Variants in DENND4B observed in about 807,000 individuals in gnomAD.
DENND4B encodes the protein DENN domain containing 4B, also known as DENN domain-containing protein 4B.
In DENND4B, 67 loss-of-function variants were observed where a neutral mutation model predicts 161.0. That is an observed-to-expected ratio of 0.42 (90% CI 0.34 to 0.51). DENND4B has a LOEUF of 0.51. Ranked by LOEUF, DENND4B falls within the 20% of genes least tolerant of loss-of-function variation. The pLI, the probability that DENND4B is intolerant of heterozygous loss-of-function variation, is 0.08. For missense variants in DENND4B, 1,481 were observed against 1,968.0 expected (o/e 0.75, Z 4.68); for synonymous variants, 753 against 813.8 (o/e 0.93, Z 1.27).
At chr1:153,945,315 A>G (rs1679898600) in intron 1 of DENND4B, 1 of 490,780 alleles carries the variant, frequency 2.0e-6, no homozygotes, top group South Asian at 1.8e-5. Flanking sequence ...TGCAACTCAG[A>G]GGAAGTCAGC....
At position 153,933,367 on chromosome 1, in the gene DENND4B, C is replaced by T. The variant is rs759519601; in HGVS notation, c.3331-48G>A. 9 of 1,612,632 alleles carry T rather than the reference C, an allele frequency of 5.6e-6. No individual in the cohort carries two copies. The Admixed American group carries it at 1.2e-4, about 21-fold the overall frequency. On this transcript the variant is annotated intron_variant, in intron 20 of 27. Transcript: ENST00000361217. The surrounding 1 kb of genome is among the most constrained non-coding windows in gnomAD (Gnocchi z 5.7). ...GGTCAGCCAACCCCATGCTCTTCCACCCAGGATATGTGTTTCAAGCACCCC... is the reference window on the plus strand; with the variant it reads ...GGTCAGCCAACCCCATGCTCTTCCATCCAGGATATGTGTTTCAAGCACCCC...
chr1:153,941,804 C>T, intron 6 of DENND4B, 65 bp downstream of exon 6: 1 of 1,316,300 alleles, frequency 7.6e-7, no homozygotes, highest in Middle Eastern at 2.8e-4. Flanking sequence ...CTGAATCTCT[C>T]CCATCTCTCC....
At chr1:153,941,763 A>T in intron 6 of DENND4B, 106 bp downstream of exon 6, 11 of 1,466,328 alleles carry the variant, frequency 7.5e-6, no homozygotes, top group Non-Finnish European at 1.0e-5. Context: ...CCTGTCCCTT[A>T]CCCTGTGCCC....
chr1:153,944,541 CT>C lies in DENND4B; in HGVS notation c.-23-145del, dbSNP rs1679862886. On this transcript the variant is annotated intron_variant, in intron 1 of 27. Coordinates refer to ENST00000361217, the MANE Select transcript of DENND4B (RefSeq NM_014856.3). The surrounding 1 kb of genome is among the most constrained non-coding windows in gnomAD (Gnocchi z 4.8). ...GTCGGCCAATCCTGAACTCTTCCCC[CT>C]GTGACATCACTGCCCACCACAGCTT... 17 of 791,298 alleles carry C rather than the reference CT, an allele frequency of 2.1e-5. No individual in the cohort carries two copies. Among genetic ancestry groups the C allele is most frequent in the South Asian group, 2.1e-4 (11 of 51,322 alleles). 49.0% of individuals were successfully genotyped at this position (791,298 alleles called of 1,614,324 possible). A position where few individuals can be genotyped will look rare whatever the true frequency, so the allele number is the denominator to read the frequency against.
rs973225495 is a variant in DENND4B, at chr1:153,942,839, C to T, written c.570+39G>A. On this transcript the variant is annotated intron_variant, in intron 3 of 27. Transcript: ENST00000361217. This position sits in a 1 kb window ranked among gnomAD's most constrained non-coding sequence, Gnocchi z 6.9. ...TTCCCAGTGTCCACACCCACTCTTA[C>T]ACCAAGAGGACCAGGTGTCAGCTCT... 7 of 1,565,304 alleles carry T rather than the reference C, an allele frequency of 4.5e-6. No individual in the cohort carries two copies. Among genetic ancestry groups the T allele is most frequent in the African/African-American group, 1.3e-5 (1 of 74,322 alleles).
rs138963182 is a variant in DENND4B, at chr1:153,944,267, C to G, written c.108G>C (p.Gly36=). The part of the protein sequence containing the change: ...PEETWVPEPS[G]PLRPPRPAEP... ...CAGCTGGCCGGGGAGGGCGCAGGGG[C>G]CCACTGGGTTCAGGAACCCACGTTT... Residue 36 remains glycine (G), a synonymous_variant, in exon 2 of 28, where the codon GGG becomes GGC. Transcript: ENST00000361217. This position sits in a 1 kb window ranked among gnomAD's most constrained non-coding sequence, Gnocchi z 4.8. 571 of 1,601,356 alleles carry G rather than the reference C, an allele frequency of 3.6e-4. 2 individuals carry two copies. The African/African-American group carries it at 6.3e-3, about 18-fold the overall frequency.
chr1:153,935,695 C>T (rs768228333), intron 17 of DENND4B: 10 of 236,516 alleles, frequency 4.2e-5, no homozygotes, highest in Non-Finnish European at 5.9e-5. Context: ...GGACCTTGGA[C>T]GAGTTACTAA....
chr1:153,931,496 C>CTTT (rs1157104732), intron 24 of DENND4B, among the ~76,000 whole-genome samples: 4 of 134,092 alleles, frequency 3.0e-5, no homozygotes, highest in South Asian at 2.4e-4. Flanking sequence ...TATGCTCTTT[C>CTTT]TTTTTTTTTT....
rs1367014577 is a variant in DENND4B at position 153,933,382 on chromosome 1, T to C, written c.3331-63A>G. 1.2e-6 allele frequency: 2 copies of C among 1,611,264 alleles called. No individual in the cohort carries two copies. The highest frequency in any genetic ancestry group is 1.3e-5 in the African/African-American group (1 of 74,824). On this transcript the variant is annotated intron_variant, in intron 20 of 27. Transcript: ENST00000361217. The surrounding 1 kb of genome is among the most constrained non-coding windows in gnomAD (Gnocchi z 5.7). ...TGCTCTTCCACCCAGGATATGTGTT[T>C]CAAGCACCCCTCAGAGCCCCCTTTT...
At position 153,930,718 on chromosome 1, in the gene DENND4B, G is replaced by A; in HGVS notation, c.4254C>T (p.Pro1418=). 1.2e-6 allele frequency: 2 copies of A among 1,611,734 alleles called. No homozygotes were observed. Among genetic ancestry groups the A allele is most frequent in the East Asian group, 2.2e-5 (1 of 44,856 alleles). ...AVGLLLETLG[P]PPTGLHLQRG... ...TCTGCAGGTGCAGGCCAGTGGGTGGGGGCCCTAGAGTTTCCAGCAGGAGCC... is the reference window on the plus strand; with the variant it reads ...TCTGCAGGTGCAGGCCAGTGGGTGGAGGCCCTAGAGTTTCCAGCAGGAGCC... The change falls in exon 26 of 28, where the codon CCC becomes CCT. Residue 1418 remains proline, a synonymous_variant. Transcript: ENST00000361217. The surrounding 1 kb of genome is among the most constrained non-coding windows in gnomAD (Gnocchi z 4.7).
Position 153,931,134 on chromosome 1 carries a change from G to A in DENND4B, c.3997-70C>T, listed in dbSNP as rs1678899768. ...GAGGCAGAGGACAAGAAACGGACAGGTGATGCCAAAGAGACAGAGGGCCAT... is the reference window on the plus strand; with the variant it reads ...GAGGCAGAGGACAAGAAACGGACAGATGATGCCAAAGAGACAGAGGGCCAT... On this transcript the variant is annotated intron_variant, in intron 24 of 27. Coordinates refer to ENST00000361217, the MANE Select transcript of DENND4B (RefSeq NM_014856.3). 11 of 1,270,536 alleles carry A rather than the reference G, an allele frequency of 8.7e-6. No homozygotes were observed. In the South Asian group the frequency reaches 1.5e-4, roughly 17 times the overall value. The allele number at this position is 1,270,536 out of a possible 1,614,324, so 78.7% of individuals were successfully genotyped here.
Position 153,941,415 on chromosome 1 carries a change from C to T in DENND4B, c.1081G>A (p.Val361Ile), listed in dbSNP as rs764508293. 1.2e-6 allele frequency: 2 copies of T among 1,612,984 alleles called. No individual in the cohort carries two copies. The highest frequency in any genetic ancestry group is 1.7e-5 in the Admixed American group (1 of 59,916). ...EAHISHFIHN[V>I]PFPSPQRPRI... is the part of the protein sequence containing the mutation. The stretch of plus-strand genomic sequence containing the variant: ...GGTCTCTGTGGGGAAGGGAAGGGAA[C>T]GTTGTGAATGAAGTGGGAGATGTGC... The change falls in exon 7 of 28, where the codon GTT becomes ATT. Residue 361 changes from valine (V) to isoleucine (I), a missense_variant. Transcript: ENST00000361217.
chr1:153,941,821 C>A, intron 6 of DENND4B, 48 bp downstream of exon 6: 1 of 1,605,034 alleles, frequency 6.2e-7, no homozygotes, highest in South Asian at 1.1e-5. Flanking sequence ...CTCCTGGCCC[C>A]CTTATCCCTT....
rs758891726 is a variant in DENND4B at position 153,930,663 on chromosome 1, C to T, written c.4280+29G>A. On this transcript the variant is annotated intron_variant, in intron 26 of 27. Coordinates refer to ENST00000361217, the MANE Select transcript of DENND4B (RefSeq NM_014856.3). The surrounding 1 kb of genome is among the most constrained non-coding windows in gnomAD (Gnocchi z 4.7). ...AAGGGGTGTGGAGCCCCGGACAGAC[C>T]AGGGATCACCCAGATGGTAGCACCA... 8.7e-6 allele frequency: 14 copies of T among 1,613,344 alleles called. No individual in the cohort carries two copies. The highest frequency in any genetic ancestry group is 1.2e-5 in the Non-Finnish European group (14 of 1,179,628).
chr1:153,936,698 C>T lies in DENND4B; in HGVS notation c.2283G>A (p.Glu761=). Residue 761 remains glutamate, a synonymous_variant, in exon 16 of 28, where the codon GAG becomes GAA. Transcript: ENST00000361217. The surrounding 1 kb of genome is among the most constrained non-coding windows in gnomAD (Gnocchi z 4.1). ...RMAQKSAAVP[E]LWARCLLGHC... Reference sequence around the variant, plus strand: ...GCCCCAGCAGGCACCGGGCCCACAGCTCAGGCACAGCTGCTGACTTCTGTG... The same window carrying T: ...GCCCCAGCAGGCACCGGGCCCACAGTTCAGGCACAGCTGCTGACTTCTGTG... 6.2e-7 allele frequency: 1 copy of T among 1,611,102 alleles called. No homozygotes were observed. Among genetic ancestry groups the T allele is most frequent in the Non-Finnish European group, 8.5e-7 (1 of 1,178,292 alleles).
At position 153,940,054 on chromosome 1, in the gene DENND4B, C is replaced by T. The variant is rs1006734180; in HGVS notation, c.1603+102G>A. On this transcript the variant is annotated intron_variant, in intron 11 of 27. Coordinates refer to ENST00000361217, the MANE Select transcript of DENND4B (RefSeq NM_014856.3). The surrounding 1 kb of genome is among the most constrained non-coding windows in gnomAD (Gnocchi z 5.6). The stretch of plus-strand genomic sequence containing the variant: ...TCCACCAAATGCAATCCTAACTTCA[C>T]TCACCTCCTTAAGAAATGTCTAGCT... The T allele has an allele frequency of 1.8e-5, 20 of 1,082,608 alleles. No individual in the cohort carries two copies. In the African/African-American group the frequency reaches 3.0e-4, roughly 16 times the overall value. The allele number at this position is 1,082,608 out of a possible 1,614,324, so 67.1% of individuals were successfully genotyped here.
chr1:153,937,685 A>G lies in DENND4B; in HGVS notation c.2105+39T>C, dbSNP rs919575348. ...GAAGCGAGTTGGACTGGACCAGTCTATGGGACCCTGGAACATGTGAAGGCT... is the reference window on the plus strand; with the variant it reads ...GAAGCGAGTTGGACTGGACCAGTCTGTGGGACCCTGGAACATGTGAAGGCT... On this transcript the variant is annotated intron_variant, in intron 14 of 27. Transcript: ENST00000361217. The surrounding 1 kb of genome is among the most constrained non-coding windows in gnomAD (Gnocchi z 4.7). 15 of 1,613,776 alleles carry G rather than the reference A, an allele frequency of 9.3e-6. No homozygotes were observed. The highest frequency in any genetic ancestry group is 1.2e-5 in the Non-Finnish European group (14 of 1,179,784).
Position 153,940,453 on chromosome 1 carries a change from G to T in DENND4B, c.1480C>A (p.Leu494Ile). ...TACTGGAAGAGCGTGTTGGTATCAA[G>T]GTCTACACAGATGACATCAGCAGGC... ...DPPADVICVD[L>I]DTNTLFQTEE... The change falls in exon 10 of 28, where the codon CTT (leucine) becomes ATT (isoleucine). Residue 494 changes from leucine to isoleucine, a missense_variant. Physicochemically the swap from Leu to Ile is conservative, Grantham distance 5. Around this residue, in one of 3 missense-constraint regions of DENND4B, gnomAD observed 806 missense variants for 1,134.4 expected, o/e 0.71. Coordinates refer to ENST00000361217, the MANE Select transcript of DENND4B (RefSeq NM_014856.3). This position sits in a 1 kb window ranked among gnomAD's most constrained non-coding sequence, Gnocchi z 5.6. 1 of 1,612,692 alleles carries T rather than the reference G, an allele frequency of 6.2e-7. No homozygotes were observed. Among genetic ancestry groups the T allele is most frequent in the Non-Finnish European group, 8.5e-7 (1 of 1,179,348 alleles).
At chr1:153,939,113 T>C (rs1179281416) in intron 12 of DENND4B, 68 bp from the exon 13 acceptor site, 3 of 1,561,504 alleles carry the variant, frequency 1.9e-6, no homozygotes, top group Non-Finnish European at 2.6e-6. Context: ...CATAGCTTTT[T>C]TGAATCTCTT....
Sources: gnomAD v4.1 joint callset for allele counts (sites outside exome capture counted in the v4.1 genomes callset) on GRCh38, gnomAD v4.1.1 for gene constraint, gnomAD v4.1.1 regional missense constraint, Gnocchi (gnomAD v3.1) non-coding constraint, MANE v1.5 for transcripts, NCBI Gene and HGNC (gene_info 2026-07-23, HGNC 2026-07-21) for gene names.